The following SLC9A9 variants were observed in gnomAD, a reference collection of about 807,000 sequenced individuals.
SLC9A9 encodes the protein sodium/hydrogen exchanger 9.
A neutral mutation model predicts 77.8 loss-of-function variants in SLC9A9; 62 were observed. The ratio of observed to expected loss-of-function variants is 0.80; its 90% CI spans 0.65 to 0.98. SLC9A9 has a LOEUF of 0.98. Ranked by LOEUF, SLC9A9 falls within the 50% of genes least tolerant of loss-of-function variation. SLC9A9 has a pLI of 0.00. For synonymous variants in SLC9A9, 320 were observed against 283.5 expected (o/e 1.13, Z -1.29); for missense variants, 775 against 774.9 (o/e 1.00, Z 0.00).
At chr3:143,546,850 A>C (rs945503248) in intron 9 of SLC9A9, among the ~76,000 whole-genome samples, 1 of 152,218 alleles carries the variant, frequency 6.6e-6, no homozygotes, top group Non-Finnish European at 1.5e-5. Flanking sequence ...TCCTCCAGCG[A>C]TCACCTCATT....
chr3:143,697,429 T>C (rs1396902031), intron 4 of SLC9A9, among the ~76,000 whole-genome samples: 1 of 152,162 alleles, frequency 6.6e-6, no homozygotes, highest in Non-Finnish European at 1.5e-5. Flanking sequence ...ACAATGTACA[T>C]TAGTGAGTGC....
At chr3:143,824,805 A>G (rs1008739461) in intron 2 of SLC9A9, among the ~76,000 whole-genome samples, 40 of 152,264 alleles carry the variant, frequency 2.6e-4, no homozygotes, top group African/African-American at 9.6e-4. Flanking sequence ...GTCATCTCAC[A>G]GGCCAACTTT....
intron 6 of SLC9A9, among the ~76,000 whole-genome samples, chr3:143,589,847 G>A (rs774666910): frequency 5.3e-5 from 8 of 152,090 alleles, no homozygotes; most frequent in Non-Finnish European, 1.0e-4. Context: ...CTCTACCACC[G>A]GAATGTGCTC....
chr3:143,582,108 A>T (rs1460325833), intron 6 of SLC9A9, among the ~76,000 whole-genome samples: 1 of 152,178 alleles, frequency 6.6e-6, no homozygotes, highest in Non-Finnish European at 1.5e-5. Flanking sequence ...ACCACCCACA[A>T]GATTTTTTAG....
At chr3:143,492,842 C>T (rs1300164177) in intron 11 of SLC9A9, among the ~76,000 whole-genome samples, 2 of 152,104 alleles carry the variant, frequency 1.3e-5, no homozygotes, top group Non-Finnish European at 2.9e-5. Flanking sequence ...CTCATGTATC[C>T]CCCAATAACT....
At chr3:143,335,378 T>C (rs2031891778) in intron 14 of SLC9A9, among the ~76,000 whole-genome samples, 4 of 152,172 alleles carry the variant, frequency 2.6e-5, no homozygotes, top group Admixed American at 2.6e-4. Flanking sequence ...AATAACATTC[T>C]GGTCAAAATC....
chr3:143,340,073 G>T (rs1273699875), intron 14 of SLC9A9, among the ~76,000 whole-genome samples: 1 of 152,144 alleles, frequency 6.6e-6, no homozygotes, highest in Non-Finnish European at 1.5e-5. Flanking sequence ...TGGAATCACG[G>T]TTGATTAAAC....
intron 14 of SLC9A9, among the ~76,000 whole-genome samples, chr3:143,310,101 C>T (rs1182760841): frequency 6.6e-6 from 1 of 152,198 alleles, no homozygotes; most frequent in Non-Finnish European, 1.5e-5. Flanking sequence ...TTTAGGCTTG[C>T]TCTTAGTTTA....
At chr3:143,363,136 T>A (rs1053090384) in intron 14 of SLC9A9, among the ~76,000 whole-genome samples, 2 of 152,186 alleles carry the variant, frequency 1.3e-5, no homozygotes, top group Non-Finnish European at 2.9e-5. Flanking sequence ...GTTCATACAA[T>A]GCCCTCAATC....
intron 6 of SLC9A9, among the ~76,000 whole-genome samples, chr3:143,649,030 G>C (rs950148566): frequency 2.0e-5 from 3 of 152,102 alleles, no homozygotes; most frequent in African/African-American, 7.2e-5. Flanking sequence ...TTCTCTTTTT[G>C]TTGACCTCAG....
At chr3:143,634,315 C>T (rs1035563002) in intron 6 of SLC9A9, among the ~76,000 whole-genome samples, 2 of 152,056 alleles carry the variant, frequency 1.3e-5, no homozygotes, top group African/African-American at 4.8e-5. Context: ...CAAGTGTTTT[C>T]TTCTTCAAAA....
At chr3:143,719,225 T>G (rs374463762) in intron 4 of SLC9A9, among the ~76,000 whole-genome samples, 2 of 152,324 alleles carry the variant, frequency 1.3e-5, no homozygotes, top group East Asian at 1.9e-4. Flanking sequence ...TGCCATCTTA[T>G]AGTCTACAAA....
At chr3:143,539,227 A>G (rs898368895) in intron 9 of SLC9A9, among the ~76,000 whole-genome samples, 1 of 152,186 alleles carries the variant, frequency 6.6e-6, no homozygotes, top group Non-Finnish European at 1.5e-5. Context: ...TGACTCTCCT[A>G]AAACCAAACT....
chr3:143,479,339 T>G (rs2035534639), intron 11 of SLC9A9, among the ~76,000 whole-genome samples: 1 of 152,032 alleles, frequency 6.6e-6, no homozygotes, highest in South Asian at 2.1e-4. Context: ...CTCCCACTCC[T>G]GGGTTCAAGT....
intron 2 of SLC9A9, among the ~76,000 whole-genome samples, chr3:143,798,969 C>G (rs937543535): frequency 6.6e-5 from 10 of 152,182 alleles, no homozygotes; most frequent in Admixed American, 5.9e-4. Context: ...TCTTCCTCAG[C>G]CTCTGCTCCT....
intron 4 of SLC9A9, among the ~76,000 whole-genome samples, chr3:143,774,995 T>C (rs955794192): frequency 6.6e-6 from 1 of 152,110 alleles, no homozygotes; most frequent in East Asian, 1.9e-4. Flanking sequence ...TAGCCTGGAG[T>C]TGGATTTCCC....
chr3:143,814,824 G>A (rs1434653059), intron 2 of SLC9A9, among the ~76,000 whole-genome samples: 1 of 152,102 alleles, frequency 6.6e-6, no homozygotes, highest in East Asian at 1.9e-4. Flanking sequence ...AATCCTTTGG[G>A]TTTCATAATT....
intron 12 of SLC9A9, among the ~76,000 whole-genome samples, chr3:143,466,150 C>T (rs2035276795): frequency 6.6e-6 from 1 of 152,172 alleles, no homozygotes; most frequent in Non-Finnish European, 1.5e-5. Context: ...CTTGGAAGTC[C>T]TTTTCTAGTC....
intron 13 of SLC9A9, among the ~76,000 whole-genome samples, chr3:143,369,936 A>G (rs1025965429): frequency 1.3e-5 from 2 of 152,228 alleles, no homozygotes; most frequent in Non-Finnish European, 2.9e-5. Flanking sequence ...TGCCAATGGC[A>G]AGTAAGGAAC....
Sources: gnomAD v4.1 joint callset for allele counts (sites outside exome capture counted in the v4.1 genomes callset) on GRCh38, gnomAD v4.1.1 for gene constraint, MANE v1.5 for transcripts, NCBI Gene and HGNC (gene_info 2026-07-23, HGNC 2026-07-21) for gene names.